The following UBE2E3 variants were observed in gnomAD, a reference collection of about 807,000 sequenced individuals.
UBE2E3 encodes the protein ubiquitin conjugating enzyme E2 E3.
Under a neutral mutation model 23.6 loss-of-function variants are expected in UBE2E3, and 5 were observed. The ratio of observed to expected loss-of-function variants is 0.21; its 90% CI spans 0.11 to 0.44. The LOEUF (loss-of-function observed/expected upper bound fraction) is 0.44. Ranked by LOEUF, UBE2E3 falls within the 20% of genes least tolerant of loss-of-function variation. The probability of loss-of-function intolerance (pLI) is 0.99; values close to 1 mark genes in which losing one functional copy is unlikely to be tolerated. For missense variants in UBE2E3, 81 were observed against 249.8 expected (o/e 0.32, Z 4.55); for synonymous variants, 78 against 87.5 (o/e 0.89, Z 0.60).
At chr2:181,053,790 C>T (rs1478241547) in intron 3 of UBE2E3, among the ~76,000 whole-genome samples, 2 of 151,640 alleles carry the variant, frequency 1.3e-5, no homozygotes, top group South Asian at 2.1e-4. Flanking sequence ...GTGACATATC[C>T]GCCATTCATA....
At chr2:181,022,221 G>A (rs1685726573) in intron 3 of UBE2E3, among the ~76,000 whole-genome samples, 1 of 152,014 alleles carries the variant, frequency 6.6e-6, no homozygotes, top group Admixed American at 6.6e-5. Flanking sequence ...TATTTTATAG[G>A]AAATGTAACC....
At chr2:181,008,097 G>T (rs1685206273) in intron 3 of UBE2E3, among the ~76,000 whole-genome samples, 1 of 152,184 alleles carries the variant, frequency 6.6e-6, no homozygotes, top group African/African-American at 2.4e-5. Flanking sequence ...TTAAAGTTGG[G>T]CCTGGGTGAT....
intron 3 of UBE2E3, among the ~76,000 whole-genome samples, chr2:181,035,429 T>A (rs1268942583): frequency 6.6e-6 from 1 of 152,106 alleles, no homozygotes; most frequent in African/African-American, 2.4e-5. Context: ...AATTACTTTT[T>A]AAATAGTAAT....
chr2:181,026,818 A>G (rs923699089), intron 3 of UBE2E3, among the ~76,000 whole-genome samples: 2 of 151,772 alleles, frequency 1.3e-5, no homozygotes, highest in African/African-American at 2.4e-5. Flanking sequence ...TTGAACAGAT[A>G]TCATCAGTAA....
At chr2:181,039,239 A>C (rs1218573762) in intron 3 of UBE2E3, among the ~76,000 whole-genome samples, 5 of 149,358 alleles carry the variant, frequency 3.3e-5, no homozygotes, top group Non-Finnish European at 1.5e-5. Flanking sequence ...ACAGGACTAT[A>C]CATTTGTCAA....
intron 3 of UBE2E3, among the ~76,000 whole-genome samples, chr2:181,046,264 C>T (rs549093805): frequency 5.3e-4 from 80 of 152,216 alleles, no homozygotes; most frequent in Non-Finnish European, 1.0e-3. Context: ...TTGAGTCTTT[C>T]GCAGGTCAGG....
At chr2:181,021,415 CCCTCCCTT>C (rs1383802510) in intron 3 of UBE2E3, among the ~76,000 whole-genome samples, 2 of 138,810 alleles carry the variant, frequency 1.4e-5, no homozygotes, top group African/African-American at 5.3e-5. Context: ...TCCCCTCCCT[CCCTCCCTT>C]CCTCCCTTCC....
At chr2:181,051,166 T>C (rs1686835500) in intron 3 of UBE2E3, among the ~76,000 whole-genome samples, 2 of 151,858 alleles carry the variant, frequency 1.3e-5, no homozygotes, top group African/African-American at 4.8e-5. Context: ...TTTTTTATGT[T>C]TTTAAAACTT....
chr2:181,046,495 T>G (rs1342704314), intron 3 of UBE2E3, among the ~76,000 whole-genome samples: 1 of 152,130 alleles, frequency 6.6e-6, no homozygotes, highest in Non-Finnish European at 1.5e-5. Flanking sequence ...TAGTTGTATT[T>G]TACCTAATCA....
At chr2:181,001,461 G>C (rs554915166) in intron 3 of UBE2E3, among the ~76,000 whole-genome samples, 1 of 152,222 alleles carries the variant, frequency 6.6e-6, no homozygotes, top group South Asian at 2.1e-4. Flanking sequence ...GAATGTAGAG[G>C]GTGGGACATC....
intron 3 of UBE2E3, among the ~76,000 whole-genome samples, chr2:181,047,694 T>C (rs993566986): frequency 1.3e-5 from 2 of 152,120 alleles, no homozygotes; most frequent in Admixed American, 1.3e-4. Flanking sequence ...TCTGGTACCA[T>C]ATTAGTCTAG....
intron 3 of UBE2E3, among the ~76,000 whole-genome samples, chr2:180,992,743 C>A (rs1684704662): frequency 6.6e-6 from 1 of 152,038 alleles, no homozygotes; most frequent in South Asian, 2.1e-4. Context: ...CTCACCGCAA[C>A]CTCTGCCTCC....
chr2:181,045,666 A>G (rs1276828167), intron 3 of UBE2E3, among the ~76,000 whole-genome samples: 1 of 152,168 alleles, frequency 6.6e-6, no homozygotes, highest in Admixed American at 6.6e-5. Flanking sequence ...TTTAAACTCC[A>G]CAGGTGATTA....
At chr2:181,046,068 A>G (rs1361134339) in intron 3 of UBE2E3, among the ~76,000 whole-genome samples, 2 of 152,084 alleles carry the variant, frequency 1.3e-5, no homozygotes, top group Non-Finnish European at 2.9e-5. Flanking sequence ...TCATCACTGT[A>G]TTTTCAGTAC....
At chr2:181,046,059 CAT>C (rs1686665162) in intron 3 of UBE2E3, among the ~76,000 whole-genome samples, 3 of 152,118 alleles carry the variant, frequency 2.0e-5, no homozygotes, top group Admixed American at 2.0e-4. Flanking sequence ...TTCTTCTGTT[CAT>C]CACTGTATTT....
chr2:181,012,180 T>C (rs1685348574), intron 3 of UBE2E3, among the ~76,000 whole-genome samples: 1 of 152,196 alleles, frequency 6.6e-6, no homozygotes, highest in Non-Finnish European at 1.5e-5. Context: ...TTCATGTTCC[T>C]TTCTTGCGTC....
intron 3 of UBE2E3, among the ~76,000 whole-genome samples, chr2:180,988,930 CT>C (rs1684568821): frequency 6.6e-6 from 1 of 151,980 alleles, no homozygotes; most frequent in Non-Finnish European, 1.5e-5. Context: ...CTGGAACCCG[CT>C]TTTTATAAAA....
At chr2:181,010,614 TAGC>T (rs1685295925) in intron 3 of UBE2E3, among the ~76,000 whole-genome samples, 1 of 152,304 alleles carries the variant, frequency 6.6e-6, no homozygotes, top group South Asian at 2.1e-4. Context: ...AAATAGTAGA[TAGC>T]AGAATTTTTC....
intron 3 of UBE2E3, among the ~76,000 whole-genome samples, chr2:181,003,262 T>C (rs1327831445): frequency 2.6e-5 from 4 of 152,236 alleles, no homozygotes; most frequent in Non-Finnish European, 5.9e-5. Flanking sequence ...AATTTTTTTA[T>C]ATTAACAGCG....
Sources: gnomAD v4.1 joint callset for allele counts (sites outside exome capture counted in the v4.1 genomes callset) on GRCh38, gnomAD v4.1.1 for gene constraint, MANE v1.5 for transcripts, NCBI Gene and HGNC (gene_info 2026-07-23, HGNC 2026-07-21) for gene names.